Variants in SPTBN4 observed in about 807,000 individuals in gnomAD.
SPTBN4 encodes spectrin beta chain, non-erythrocytic 4.
SPTBN4 carries 96 observed loss-of-function variants against 277.8 expected under a neutral mutation model. That is an observed-to-expected ratio of 0.35 (90% CI 0.29 to 0.41). The LOEUF (loss-of-function observed/expected upper bound fraction) is 0.41, where lower values mean the gene tolerates loss of function less well. Among genes scored for constraint, SPTBN4 ranks in the 10% least tolerant of loss-of-function variants. SPTBN4 has a pLI of 1.00. For synonymous variants in SPTBN4, 1,481 were observed against 1,580.3 expected, an observed-to-expected ratio of 0.94 and a Z score of 1.49; for missense variants, 3,006 against 3,595.7, an observed-to-expected ratio of 0.84 and a Z score of 4.19.
chr19:40,542,241 A>ATTT (rs1343055729), intron 20 of SPTBN4, among the ~76,000 whole-genome samples: 57 of 151,742 alleles, frequency 3.8e-4, no homozygotes, highest in Admixed American at 1.1e-3. Context: ...TTTTTATTTG[A>ATTT]CTTCTCTGTC....
At chr19:40,541,627 G>A (rs814512) in intron 20 of SPTBN4, among the ~76,000 whole-genome samples, 90,736 of 151,938 alleles carry the variant, frequency 0.6, 28,096 homozygotes, top group African/African-American at 0.67. Flanking sequence ...GTGTAGTGGT[G>A]TGCAGTGTGT....
At position 40,515,899 on chromosome 19, in the gene SPTBN4, CAA is replaced by C. The variant is rs1568798127; in HGVS notation, c.2903+454_2903+455del. Among the ~76,000 whole-genome samples, 2 of 137,046 alleles carry C rather than the reference CAA, an allele frequency of 1.5e-5. No homozygotes were observed. Among genetic ancestry groups the C allele is most frequent in the Non-Finnish European group, 1.5e-5 (1 of 65,382 alleles). The allele number at this position is 137,046 out of a possible 152,430, so 89.9% of individuals were successfully genotyped here. A position where few individuals can be genotyped will look rare whatever the true frequency, so the allele number is the denominator to read the frequency against. On this transcript the variant is annotated intron_variant, in intron 15 of 35. Transcript: ENST00000598249. The surrounding 1 kb of genome is among the most constrained non-coding windows in gnomAD (Gnocchi z 4.1). ...ACACACACACACACACACACACACA[CAA>C]AATATATATATACACACACATATAT... is the stretch of plus-strand genomic sequence containing the variant.
At position 40,519,571 on chromosome 19, in the gene SPTBN4, G is replaced by T. The variant is rs1267720194; in HGVS notation, c.3074G>T (p.Ser1025Ile). 1 of 1,539,426 alleles carries T rather than the reference G, an allele frequency of 6.5e-7. No individual in the cohort carries two copies. The highest frequency in any genetic ancestry group is 1.2e-5 in the South Asian group (1 of 83,490). Reference sequence around the variant, plus strand: ...GGCGGCGCCCTGCAGTGGCGTCTTAGCGGCCTAGAGGCCGCTCTGCAGGCG... The same window carrying T: ...GGCGGCGCCCTGCAGTGGCGTCTTATCGGCCTAGAGGCCGCTCTGCAGGCG... ...RAGGALQWRLSGLEAALQALE... is the reference protein window; with the variant it reads ...RAGGALQWRLIGLEAALQALE... The change falls in exon 16 of 36, where the codon AGC becomes ATC. Residue 1025 changes from serine (S) to isoleucine (I), a missense_variant. Ser to Ile is a moderately radical substitution (Grantham distance 142, BLOSUM62 -2). Around this residue, in one of 5 missense-constraint regions of SPTBN4, gnomAD observed 1,759 missense variants for 2,061.5 expected, o/e 0.85. Transcript: ENST00000598249. This position sits in a 1 kb window ranked among gnomAD's most constrained non-coding sequence, Gnocchi z 5.7.
In SPTBN4 at chr19:40,573,559, A is replaced by G. The variant is rs114290395; in HGVS notation, c.7536+1179A>G. On this transcript the variant is annotated intron_variant, in intron 35 of 35. Coordinates refer to ENST00000598249, the MANE Select transcript of SPTBN4 (RefSeq NM_020971.3). ...GTAAAAAAGATTCCTGGCTGGGCGC[A>G]GTGGCTTACGCCTGTAATCCCAGCA... Among the ~76,000 whole-genome samples, 903 of 152,200 alleles carry G rather than the reference A, an allele frequency of 5.9e-3. 11 individuals are homozygous for G. The highest frequency in any genetic ancestry group is 0.021 in the African/African-American group (873 of 41,524).
At position 40,520,035 on chromosome 19, in the gene SPTBN4, G is replaced by A. The variant is rs1411539386; in HGVS notation, c.3538G>A (p.Gly1180Ser). The A allele has an allele frequency of 1.3e-6, 2 of 1,565,522 alleles. No homozygotes were observed. The highest frequency in any genetic ancestry group is 3.9e-5 in the Admixed American group (2 of 51,756). Residue 1180 changes from glycine (G) to serine (S), a missense_variant, in exon 16 of 36, where the codon GGC becomes AGC. Gly to Ser is a moderately conservative substitution (Grantham distance 56, BLOSUM62 0). This residue lies in a region of SPTBN4 where 1,759 missense variants were observed against 2,061.5 expected (regional missense o/e 0.85). Transcript: ENST00000598249. ...CGAGTGGCTGCCACACCTCGAACTT[G>A]GCTGGCATAAACTGCTCGGCTTGTG... ...LDEWLPHLEL[G>S]WHKLLGLWEA...
Position 40,487,755 on chromosome 19 carries a change from C to T in SPTBN4, c.228C>T (p.Ala76=), listed in dbSNP as rs2080089003. Residue 76 remains alanine (A), a synonymous_variant, in exon 3 of 36, where the codon GCC becomes GCT. Coordinates refer to ENST00000598249, the MANE Select transcript of SPTBN4 (RefSeq NM_020971.3). The part of the protein sequence containing the change: ...TFTKWVNSHL[A]RVGCHIGDLY... ...CCAAGTGGGTGAACTCGCACCTCGC[C>T]CGCGTGGGCTGCCACATCGGGGACC... The T allele has an allele frequency of 6.2e-7, 1 of 1,613,640 alleles. No individual in the cohort carries two copies. Among genetic ancestry groups the T allele is most frequent in the African/African-American group, 1.3e-5 (1 of 75,010 alleles).
At chr19:40,546,665 A>T (rs1230142306) in intron 20 of SPTBN4, among the ~76,000 whole-genome samples, 2 of 151,980 alleles carry the variant, frequency 1.3e-5, no homozygotes, top group African/African-American at 2.4e-5. Context: ...ACATAGCAAG[A>T]CCCCATCTTT....
At chr19:40,569,381 T>C (rs1292832830) in intron 31 of SPTBN4, among the ~76,000 whole-genome samples, 1 of 145,236 alleles carries the variant, frequency 6.9e-6, no homozygotes, top group Non-Finnish European at 1.5e-5. Flanking sequence ...GCCGAGATCA[T>C]GCACCACTAC....
intron 22 of SPTBN4, among the ~76,000 whole-genome samples, chr19:40,552,004 A>C (rs1264276624): frequency 6.6e-6 from 1 of 151,242 alleles, no homozygotes; most frequent in East Asian, 2.0e-4. Flanking sequence ...AAAAAAAAAA[A>C]AAAAACATCG....
Position 40,560,857 on chromosome 19 carries a change from C to T in SPTBN4, c.5915+454C>T. ...CCCCTGGTGATTGGGAGCCAGGGTC[C>T]TTCCATCATGCCACCCTGGGAGTCA... On this transcript the variant is annotated intron_variant, in intron 27 of 35. Coordinates refer to ENST00000598249, the MANE Select transcript of SPTBN4 (RefSeq NM_020971.3). The surrounding 1 kb of genome is among the most constrained non-coding windows in gnomAD (Gnocchi z 5.2). 1 of 573,154 alleles carries T rather than the reference C, an allele frequency of 1.7e-6. No individual in the cohort carries two copies. The highest frequency in any genetic ancestry group is 2.3e-6 in the Non-Finnish European group (1 of 432,788). The allele number at this position is 573,154 out of a possible 1,614,324, so 35.5% of individuals were successfully genotyped here.
In SPTBN4 at chr19:40,566,073, G is replaced by A. The variant is rs536272042; in HGVS notation, c.6140-90G>A. 121 of 1,344,998 alleles carry A rather than the reference G, an allele frequency of 9.0e-5. 1 individual carries two copies. The South Asian group carries it at 1.5e-3, about 17-fold the overall frequency. The allele number at this position is 1,344,998 out of a possible 1,614,324, so 83.3% of individuals were successfully genotyped here. ...GGTCAGGGCTCGGGTATGGAAAGCC[G>A]GAGGGGTGTGGAAGGCCAGGGGAAC... On this transcript the variant is annotated intron_variant, in intron 29 of 35. Coordinates refer to ENST00000598249, the MANE Select transcript of SPTBN4 (RefSeq NM_020971.3).
intron 35 of SPTBN4, among the ~76,000 whole-genome samples, chr19:40,572,805 C>A (rs894661644): frequency 1.3e-5 from 2 of 151,928 alleles, no homozygotes; most frequent in Non-Finnish European, 2.9e-5. Flanking sequence ...CTAAAAAATA[C>A]AAAAATTAAC....
chr19:40,559,025 G>T (rs894710114), intron 26 of SPTBN4, among the ~76,000 whole-genome samples: 1 of 151,026 alleles, frequency 6.6e-6, no homozygotes, highest in Non-Finnish European at 1.5e-5. Flanking sequence ...TCTGCTTCCC[G>T]GGTTCAAGCA....
At position 40,548,572 on chromosome 19, in the gene SPTBN4, G is replaced by A. The variant is rs374914224; in HGVS notation, c.4360-617G>A. ...CTCTACAAAAATACAAAAATTAGCC[G>A]GGCATGATGGCAGGTGCCTGTAATC... On this transcript the variant is annotated intron_variant, in intron 20 of 35. Transcript: ENST00000598249. 1.8e-3 allele frequency among the ~76,000 whole-genome samples: 278 copies of A among 151,598 alleles called. 3 individuals carry two copies. Among genetic ancestry groups the A allele is most frequent in the African/African-American group, 6.6e-3 (272 of 41,298 alleles).
In SPTBN4 at chr19:40,562,821, C is replaced by T. The variant is rs567203421; in HGVS notation, c.5915+2418C>T. On this transcript the variant is annotated intron_variant, in intron 27 of 35. Transcript: ENST00000598249. ...TGCACTCCAGCCTGGGCAACAAGAG[C>T]GAAATTCCATCTCAAAAAAAAAAAA... Among the ~76,000 whole-genome samples, 18 of 149,080 alleles carry T rather than the reference C, an allele frequency of 1.2e-4. 1 individual carries two copies. Among genetic ancestry groups the T allele is most frequent in the Admixed American group, 8.7e-4 (13 of 14,974 alleles).
chr19:40,568,356 G>T (rs1461445750), intron 31 of SPTBN4, 74 bp downstream of exon 31: 1 of 1,467,814 alleles, frequency 6.8e-7, no homozygotes, highest in Admixed American at 2.6e-5. Context: ...CTCAGGCCCA[G>T]TGAAAGGGCT....
chr19:40,526,809 A>G (rs1399606762), intron 17 of SPTBN4, among the ~76,000 whole-genome samples: 1 of 151,614 alleles, frequency 6.6e-6, no homozygotes, highest in Non-Finnish European at 1.5e-5. Flanking sequence ...GGTGGTTTCA[A>G]ACTCCTGGGC....
chr19:40,537,206 C>T (rs2080748142), intron 20 of SPTBN4, among the ~76,000 whole-genome samples: 1 of 152,088 alleles, frequency 6.6e-6, no homozygotes, highest in Non-Finnish European at 1.5e-5. Context: ...GATGGGGTTT[C>T]AGCATGTTGC....
Position 40,515,232 on chromosome 19 carries a change from G to C in SPTBN4, c.2766-79G>C. On this transcript the variant is annotated intron_variant, in intron 14 of 35. Coordinates refer to ENST00000598249, the MANE Select transcript of SPTBN4 (RefSeq NM_020971.3). The surrounding 1 kb of genome is among the most constrained non-coding windows in gnomAD (Gnocchi z 4.1). ...AAAAGAAGGGTGGATTGAGAATTAG[G>C]AGTAGAACCAGTAGAAGGTATTTCA... 1 of 1,513,904 alleles carries C rather than the reference G, an allele frequency of 6.6e-7. No homozygotes were observed. The allele number at this position is 1,513,904 out of a possible 1,614,324, so 93.8% of individuals were successfully genotyped here.
Sources: allele counts gnomAD v4.1 joint callset (sites outside exome capture counted in the v4.1 genomes callset), GRCh38; gene constraint gnomAD v4.1.1; regional missense constraint gnomAD v4.1.1; non-coding constraint Gnocchi (gnomAD v3.1); transcripts MANE v1.5; gene names NCBI Gene and HGNC (gene_info 2026-07-23, HGNC 2026-07-21).